Variants in TMEM14B observed in about 807,000 individuals in gnomAD.
TMEM14B encodes transmembrane protein 14B.
A neutral mutation model predicts 14.8 loss-of-function variants in TMEM14B; 9 were observed. That is an observed-to-expected ratio of 0.61 (90% confidence interval 0.37 to 1.06). TMEM14B has a LOEUF of 1.06. Ranked by LOEUF, TMEM14B falls within the 50% of genes least tolerant of loss-of-function variation. The pLI, the probability that TMEM14B is intolerant of heterozygous loss-of-function variation, is 0.01. For missense variants in TMEM14B, 128 were observed against 143.6 expected, an observed-to-expected ratio of 0.89 and a Z score of 0.56; for synonymous variants, 40 against 51.3, an observed-to-expected ratio of 0.78 and a Z score of 0.94.
intron 4 of TMEM14B, 57 bp from the exon 5 acceptor site, chr6:10,755,085 C>T: frequency 6.3e-7 from 1 of 1,581,724 alleles, no homozygotes; most frequent in Non-Finnish European, 8.6e-7. Context: ...TGGTCTACTT[C>T]TGATTCCCCT....
chr6:10,749,752 A>G lies in TMEM14B; in HGVS notation c.100+54A>G, dbSNP rs1031554452. On this transcript the variant is annotated intron_variant, in intron 3 of 5. Coordinates refer to ENST00000379542, the MANE Select transcript of TMEM14B (RefSeq NM_030969.5). ...AACATCTTCACGTTGTTCCAGTGAA[A>G]TGTGAGTGCCTGTGTCCCTGAGAAG... The G allele has an allele frequency of 2.9e-5, 46 of 1,601,018 alleles. 1 individual carries two copies. Among genetic ancestry groups the G allele is most frequent in the African/African-American group, 2.7e-4 (20 of 74,614 alleles).
At chr6:10,748,072 C>T (rs1288907045) in intron 1 of TMEM14B, among the ~76,000 whole-genome samples, 191 bp downstream of exon 1, 1 of 152,086 alleles carries the variant, frequency 6.6e-6, no homozygotes, top group Non-Finnish European at 1.5e-5. Flanking sequence ...GCTCGGAGCA[C>T]CTGAGCTCCT....
In TMEM14B at chr6:10,755,385, CA is replaced by C. The variant is rs921818771; in HGVS notation, c.293+155del. ...ACACTAATAGGAGATGCTTCAAAAA[CA>C]ATAGTTGATTTAATGTCAAATGACA... On this transcript the variant is annotated intron_variant, in intron 5 of 5. Transcript: ENST00000379542. The C allele has an allele frequency of 2.6e-6, 4 of 1,520,834 alleles. No individual in the cohort carries two copies. In the African/African-American group the frequency reaches 5.5e-5, roughly 21 times the overall value. 94.2% of individuals were successfully genotyped at this position (1,520,834 alleles called of 1,614,324 possible).
intron 4 of TMEM14B, among the ~76,000 whole-genome samples, chr6:10,753,996 G>A (rs991066507): frequency 5.3e-5 from 8 of 152,128 alleles, no homozygotes; most frequent in South Asian, 2.1e-4. Flanking sequence ...ACTCTGGGCC[G>A]GTTGCGGTGG....
At chr6:10,748,489 G>A (rs1771417059) in intron 1 of TMEM14B, among the ~76,000 whole-genome samples, 1 of 152,124 alleles carries the variant, frequency 6.6e-6, no homozygotes, top group Non-Finnish European at 1.5e-5. Flanking sequence ...CTAACCTCAG[G>A]TAATCCGCCT....
intron 5 of TMEM14B, chr6:10,755,682 C>T (rs925132438): frequency 1.1e-5 from 12 of 1,059,100 alleles, no homozygotes; most frequent in African/African-American, 1.0e-4. Context: ...AGGCCAGGCA[C>T]GGTGGCTCAC....
chr6:10,758,999 A>T (rs1771894124), downstream of TMEM14B: 1 of 183,348 alleles, frequency 5.5e-6, no homozygotes, highest in African/African-American at 2.7e-5. Flanking sequence ...GCTCATTGCA[A>T]CCTCCACCTC....
At chr6:10,755,333 C>T in intron 5 of TMEM14B, 101 bp downstream of exon 5, 1 of 1,583,338 alleles carries the variant, frequency 6.3e-7, no homozygotes, top group East Asian at 2.3e-5. Flanking sequence ...GTATCTGATG[C>T]TATGCATCAA....
At chr6:10,758,568 G>A (rs576876870), downstream of TMEM14B, among the ~76,000 whole-genome samples, 16 of 152,316 alleles carry the variant, frequency 1.1e-4, no homozygotes, top group South Asian at 3.1e-3. Flanking sequence ...CATGGTGCTT[G>A]CCCTTCTGGA....
At chr6:10,753,971 C>T (rs574604168) in intron 4 of TMEM14B, among the ~76,000 whole-genome samples, 2 of 152,244 alleles carry the variant, frequency 1.3e-5, no homozygotes, top group East Asian at 1.9e-4. Flanking sequence ...GCTAGAATTA[C>T]GCTTTCAAAA....
chr6:10,755,406 A>G (rs931834194), intron 5 of TMEM14B, 174 bp downstream of exon 5: 3 of 1,504,982 alleles, frequency 2.0e-6, no homozygotes, highest in Non-Finnish European at 2.7e-6. Context: ...TTAATGTCAA[A>G]TGACATGAGT....
At chr6:10,758,759 CAGT>C (rs1321220292), downstream of TMEM14B, among the ~76,000 whole-genome samples, 1 of 152,156 alleles carries the variant, frequency 6.6e-6, no homozygotes, top group Non-Finnish European at 1.5e-5. Flanking sequence ...ATGCATGAAT[CAGT>C]TGACATGAAC....
chr6:10,753,160 C>T (rs1396879383), intron 4 of TMEM14B, among the ~76,000 whole-genome samples: 4 of 152,096 alleles, frequency 2.6e-5, no homozygotes, highest in Non-Finnish European at 4.4e-5. Flanking sequence ...CGCTTGAACC[C>T]GGGAAGTGGA....
chr6:10,749,270 TG>T lies in TMEM14B; in HGVS notation c.23+3del. 1.2e-6 allele frequency: 2 copies of T among 1,614,154 alleles called. No homozygotes were observed. The highest frequency in any genetic ancestry group is 1.1e-5 in the South Asian group (1 of 91,088). ...AATGGAGAAGCCCCTCTTCCCATTG[TG>T]AGTAGACAGTAAATGGTTAGAGAGT... On this transcript the variant is annotated splice_donor_region_variant and intron_variant, in intron 2 of 5. Transcript: ENST00000379542.
At chr6:10,748,290 G>T (rs1465750178) in intron 1 of TMEM14B, among the ~76,000 whole-genome samples, 1 of 152,084 alleles carries the variant, frequency 6.6e-6, no homozygotes, top group Non-Finnish European at 1.5e-5. Flanking sequence ...GTGTCGCCCA[G>T]CCTGGAGTGC....
intron 4 of TMEM14B, chr6:10,753,053 T>G (rs1771653840): frequency 6.6e-6 from 1 of 151,976 alleles, no homozygotes; most frequent in African/African-American, 2.4e-5. Context: ...CTGACCAACT[T>G]GGAGAAAGCC....
intron 4 of TMEM14B, among the ~76,000 whole-genome samples, chr6:10,753,890 C>T (rs1471361539): frequency 3.3e-5 from 5 of 152,200 alleles, no homozygotes; most frequent in Non-Finnish European, 7.3e-5. Flanking sequence ...TACCTGCATT[C>T]CCAAGGACGT....
intron 4 of TMEM14B, among the ~76,000 whole-genome samples, chr6:10,754,164 G>T (rs1358703355): frequency 6.6e-6 from 1 of 152,156 alleles, no homozygotes; most frequent in Non-Finnish European, 1.5e-5. Flanking sequence ...AGGTTGTAGT[G>T]AGCTGAGATC....
At chr6:10,755,766 C>G in intron 5 of TMEM14B, 1 of 665,954 alleles carries the variant, frequency 1.5e-6, no homozygotes, top group Non-Finnish European at 1.9e-6. Flanking sequence ...ACCAGCCTGG[C>G]CAACATGGTG....
Sources: gnomAD v4.1 joint callset for allele counts (sites outside exome capture counted in the v4.1 genomes callset) on GRCh38, gnomAD v4.1.1 for gene constraint, MANE v1.5 for transcripts, NCBI Gene and HGNC (gene_info 2026-07-23, HGNC 2026-07-21) for gene names.